Variants in SLC19A1 observed in about 807,000 individuals in gnomAD.
The protein encoded by SLC19A1 is reduced folate transporter.
In SLC19A1, 37 loss-of-function variants were observed where a neutral mutation model predicts 35.3. The observed-to-expected ratio is 1.05, with a 90% CI of 0.81 to 1.38. The LOEUF is 1.38. Ranked by LOEUF, SLC19A1 falls within the 40% of genes most tolerant of loss-of-function variation. The probability of loss-of-function intolerance (pLI) is 0.00; values close to 1 mark genes in which losing one functional copy is unlikely to be tolerated. For synonymous variants in SLC19A1, 460 were observed against 398.5 expected (o/e 1.15, Z -1.84); for missense variants, 831 against 826.9 (o/e 1.00, Z -0.06).
Position 45,534,197 on chromosome 21 carries a change from C to A in SLC19A1, c.190-2049G>T, listed in dbSNP as rs35100713. On this transcript the variant is annotated intron_variant, in intron 2 of 5. Transcript: ENST00000311124. The surrounding 1 kb of genome is among the most constrained non-coding windows in gnomAD (Gnocchi z 4.2). ...GCCATCGGCTTCTGCACTGTGTTTA[C>A]AGCAATGTCCTGGGGACATCAAACA... Among the ~76,000 whole-genome samples, 9 of 152,210 alleles carry A rather than the reference C, an allele frequency of 5.9e-5. No individual in the cohort carries two copies. The East Asian group carries it at 1.3e-3, about 23-fold the overall frequency.
intron 5 of SLC19A1, among the ~76,000 whole-genome samples, chr21:45,523,687 G>A (rs540644254): frequency 3.2e-4 from 49 of 152,314 alleles, no homozygotes; most frequent in Non-Finnish European, 4.6e-4. Flanking sequence ...GAGGTGGGGC[G>A]GCAACGGTAG....
chr21:45,518,941 A>C (rs900069517), intron 5 of SLC19A1, among the ~76,000 whole-genome samples: 2 of 152,246 alleles, frequency 1.3e-5, no homozygotes, highest in African/African-American at 4.8e-5. Flanking sequence ...AAGAGGAAAT[A>C]CCACAGTAGG....
intron 4 of SLC19A1, among the ~76,000 whole-genome samples, chr21:45,527,112 C>T (rs1301555332): frequency 4.6e-5 from 7 of 152,250 alleles, no homozygotes; most frequent in South Asian, 4.1e-4. Flanking sequence ...ACCACAGAGT[C>T]GGTGAATGAG....
chr21:45,557,449 C>T (rs1222982255), intron 1 of SLC19A1, among the ~76,000 whole-genome samples: 1 of 152,204 alleles, frequency 6.6e-6, no homozygotes, highest in East Asian at 1.9e-4. Flanking sequence ...GTCCTGCACA[C>T]CTTGCTGGTA....
chr21:45,506,098 CAAACTTTT>C, intron 3 of SLC19A1: 4 of 1,408,860 alleles, frequency 2.8e-6, no homozygotes, highest in East Asian at 2.3e-5. Flanking sequence ...CTTAAACTTT[CAAACTTTT>C]GGTAAAGTTT....
intron 3 of SLC19A1, chr21:45,505,957 G>A (rs1395133564): frequency 6.2e-7 from 1 of 1,613,174 alleles, no homozygotes; most frequent in East Asian, 2.2e-5. Flanking sequence ...ACGGGTTCCG[G>A]AAGGTCCAGG....
At chr21:45,520,379 GGAA>G (rs1253137145) in intron 5 of SLC19A1, among the ~76,000 whole-genome samples, 1 of 151,990 alleles carries the variant, frequency 6.6e-6, no homozygotes, top group Non-Finnish European at 1.5e-5. Context: ...AGATCAGAAA[GGAA>G]GAAATATTTG....
At chr21:45,505,496 C>T (rs1472350013) in intron 3 of SLC19A1, 3 of 859,868 alleles carry the variant, frequency 3.5e-6, no homozygotes, top group Non-Finnish European at 5.7e-6. Flanking sequence ...GCAGCCCCTG[C>T]CCCTCAGAGA....
At chr21:45,535,102 A>G (rs988473114) in intron 2 of SLC19A1, among the ~76,000 whole-genome samples, 36 of 152,110 alleles carry the variant, frequency 2.4e-4, no homozygotes, top group African/African-American at 8.5e-4. Flanking sequence ...GGCACCCAAC[A>G]GGGGCTGGCT....
At chr21:45,503,484 T>C (rs2036976794) in intron 3 of SLC19A1, among the ~76,000 whole-genome samples, 3 of 151,978 alleles carry the variant, frequency 2.0e-5, no homozygotes, top group African/African-American at 7.2e-5. Flanking sequence ...ATGTCCTTTG[T>C]AGGGACATGG....
At chr21:45,521,799 G>T (rs1298900150) in intron 5 of SLC19A1, among the ~76,000 whole-genome samples, 1 of 152,072 alleles carries the variant, frequency 6.6e-6, no homozygotes, top group Non-Finnish European at 1.5e-5. Flanking sequence ...GGAATAAATG[G>T]ATACGCACAG....
intron 1 of SLC19A1, among the ~76,000 whole-genome samples, chr21:45,561,290 C>A (rs2078612684): frequency 6.6e-6 from 1 of 152,216 alleles, no homozygotes; most frequent in African/African-American, 2.4e-5. Context: ...TTTGAGTATT[C>A]TATTGCAGTA....
At chr21:45,560,898 G>A (rs1602967870) in intron 1 of SLC19A1, among the ~76,000 whole-genome samples, 1 of 152,196 alleles carries the variant, frequency 6.6e-6, no homozygotes, top group Non-Finnish European at 1.5e-5. Context: ...ATAAAGAGGC[G>A]CTCTCACGGC....
At chr21:45,527,949 A>G (rs1394005767) in intron 4 of SLC19A1, among the ~76,000 whole-genome samples, 1 of 152,012 alleles carries the variant, frequency 6.6e-6, no homozygotes, top group Non-Finnish European at 1.5e-5. Context: ...TTAAAAAAAA[A>G]AAAAAAAAAG....
rs35978794 is a variant in SLC19A1 at position 45,515,428 on chromosome 21, A to AC, written c.*229dup. The AC allele has an allele frequency of 0.46, 659,582 of 1,444,028 alleles. 153,893 individuals carry two copies. Among genetic ancestry groups the AC allele is most frequent in the African/African-American group, 0.69 (48,350 of 69,898 alleles). 89.5% of individuals were successfully genotyped at this position (1,444,028 alleles called of 1,614,324 possible). A position where few individuals can be genotyped will look rare whatever the true frequency, so the allele number is the denominator to read the frequency against. ...AGCCCACCACCCACCTCTTCCAGCAACAAAGCCCGCGGGGCACAGTGCAGG... is the reference window on the plus strand; with the variant it reads ...AGCCCACCACCCACCTCTTCCAGCAACCAAAGCCCGCGGGGCACAGTGCAGG... On this transcript the variant is annotated 3_prime_UTR_variant, in exon 6 of 6. Transcript: ENST00000311124.
downstream of SLC19A1, among the ~76,000 whole-genome samples, chr21:45,508,267 AGTGGATGGGTAGGTAGATGGGGAG>A (rs1423123542): frequency 3.1e-5 from 4 of 127,210 alleles, no homozygotes; most frequent in East Asian, 2.4e-4. Context: ...CAGGTGGGTG[AGTGGATGGGTAGGTAGATGGGGAG>A]GTGGATGGGT....
At chr21:45,528,923 T>TG (rs1464533100) in intron 4 of SLC19A1, among the ~76,000 whole-genome samples, 1 of 152,228 alleles carries the variant, frequency 6.6e-6, no homozygotes, top group Non-Finnish European at 1.5e-5. Flanking sequence ...GGCACCGTGT[T>TG]GGATTTTTTT....
At position 45,513,922 on chromosome 21, in the gene SLC19A1, A is replaced by G. The variant is rs955186719; in HGVS notation, c.*1736T>C. The G allele has an allele frequency of 6.6e-5, 10 of 152,290 alleles. No homozygotes were observed. The highest frequency in any genetic ancestry group is 2.4e-4 in the African/African-American group (10 of 41,440). 9.4% of individuals were successfully genotyped at this position (152,290 alleles called of 1,614,324 possible). A position where few individuals can be genotyped will look rare whatever the true frequency, so the allele number is the denominator to read the frequency against. On this transcript the variant is annotated 3_prime_UTR_variant, in exon 6 of 6. Coordinates refer to ENST00000311124, the MANE Select transcript of SLC19A1 (RefSeq NM_194255.4). ...GTGTGCAGGAGCATCCATAGTGTGC[A>G]CAGGTACACAGGCATGCACGGGTGT...
intron 2 of SLC19A1, among the ~76,000 whole-genome samples, chr21:45,535,536 G>A (rs77881597): frequency 0.011 from 1,648 of 152,288 alleles, 20 homozygotes; most frequent in African/African-American, 0.034. Flanking sequence ...TCCTCACAGC[G>A]GCCAGACGGC....
Sources: allele counts gnomAD v4.1 joint callset (sites outside exome capture counted in the v4.1 genomes callset), GRCh38; gene constraint gnomAD v4.1.1; non-coding constraint Gnocchi (gnomAD v3.1); transcripts MANE v1.5; gene names NCBI Gene and HGNC (gene_info 2026-07-23, HGNC 2026-07-21).